The following FKBP15 variants were observed in gnomAD, a reference collection of about 807,000 sequenced individuals.
FKBP15 encodes the protein FKBP prolyl isomerase family member 15, also known as FK506-binding protein 15.
FKBP15 carries 106 observed loss-of-function variants against 158.1 expected under a neutral mutation model. The observed-to-expected ratio is 0.67, with a 90% CI of 0.57 to 0.79. The LOEUF is 0.79. FKBP15 is among the 30% of genes least tolerant of loss of function. FKBP15 has a pLI of 0.00. For missense variants in FKBP15, 1,287 were observed against 1,479.1 expected, an observed-to-expected ratio of 0.87 and a Z score of 2.13; for synonymous variants, 547 against 548.6, an observed-to-expected ratio of 1.00 and a Z score of 0.04.
At position 113,162,990 on chromosome 9, in the gene FKBP15, T is replaced by G; in HGVS notation, c.*3088A>C. ...CTCTTCCAGACACTATACTTCCAACTGCCCTTTCTTCTGATGGCTATTCCT... is the reference window on the plus strand; with the variant it reads ...CTCTTCCAGACACTATACTTCCAACGGCCCTTTCTTCTGATGGCTATTCCT... On this transcript the variant is annotated 3_prime_UTR_variant, in exon 28 of 28. Transcript: ENST00000238256. 7.4e-7 allele frequency: 1 copy of G among 1,343,346 alleles called. No individual in the cohort carries two copies. The highest frequency in any genetic ancestry group is 9.9e-7 in the Non-Finnish European group (1 of 1,006,322). 83.2% of individuals were successfully genotyped at this position (1,343,346 alleles called of 1,614,324 possible).
chr9:113,205,236 A>G (rs928883779), intron 4 of FKBP15, among the ~76,000 whole-genome samples: 9 of 152,252 alleles, frequency 5.9e-5, no homozygotes, highest in African/African-American at 1.9e-4. Flanking sequence ...ATTATCAAGA[A>G]AGTGAAAAGA....
intron 11 of FKBP15, among the ~76,000 whole-genome samples, chr9:113,191,904 C>A (rs183284230): frequency 6.6e-6 from 1 of 150,740 alleles, no homozygotes; most frequent in Admixed American, 6.6e-5. Flanking sequence ...GTTTTGATAA[C>A]TGTGCCATAT....
chr9:113,176,537 C>G lies in FKBP15; in HGVS notation c.2223G>C (p.Lys741Asn). 1.9e-6 allele frequency: 3 copies of G among 1,553,356 alleles called. No individual in the cohort carries two copies. The highest frequency in any genetic ancestry group is 4.9e-5 in the East Asian group (2 of 41,232). The change falls in exon 21 of 28, where the codon AAG becomes AAC. Residue 741 changes from lysine (K) to asparagine (N), a missense_variant and splice_region_variant. Lys to Asn is a moderately conservative substitution (Grantham distance 94, BLOSUM62 0). Transcript: ENST00000238256. ...DLRVEKESLEKNLSERKKKSA... is the reference protein window; with the variant it reads ...DLRVEKESLENNLSERKKKSA... ...TGGCCAACTGGGTTGTAGAGCTTACCTTTTCCAAGGACTCCTTCTCAACTC... is the reference window on the plus strand; with the variant it reads ...TGGCCAACTGGGTTGTAGAGCTTACGTTTTCCAAGGACTCCTTCTCAACTC...
chr9:113,202,726 G>T, intron 5 of FKBP15, 97 bp from the exon 6 acceptor site: 1 of 925,640 alleles, frequency 1.1e-6, no homozygotes, highest in South Asian at 1.5e-5. Context: ...GACTCAGGTG[G>T]ACCCAAAGGG....
At position 113,198,443 on chromosome 9, in the gene FKBP15, A is replaced by G. The variant is rs956180511; in HGVS notation, c.717+412T>C. On this transcript the variant is annotated intron_variant, in intron 8 of 27. Transcript: ENST00000238256. The surrounding 1 kb of genome is among the most constrained non-coding windows in gnomAD (Gnocchi z 5.2). ...TTCATCCAGGCATTTCCAGATGTCAAAAAGATAACCTGATTAGAAATTCCA... is the reference window on the plus strand; with the variant it reads ...TTCATCCAGGCATTTCCAGATGTCAGAAAGATAACCTGATTAGAAATTCCA... Among the ~76,000 whole-genome samples, 24 of 152,244 alleles carry G rather than the reference A, an allele frequency of 1.6e-4. No individual in the cohort carries two copies. The highest frequency in any genetic ancestry group is 1.2e-3 in the Admixed American group (19 of 15,284).
chr9:113,212,762 T>A (rs1458536860), intron 1 of FKBP15, among the ~76,000 whole-genome samples: 7 of 152,210 alleles, frequency 4.6e-5, no homozygotes, highest in Admixed American at 4.6e-4. Flanking sequence ...CAGGGCTTCA[T>A]ACTTTCTCTC....
At chr9:113,201,334 T>C (rs1587969667) in intron 6 of FKBP15, among the ~76,000 whole-genome samples, 2 of 152,204 alleles carry the variant, frequency 1.3e-5, no homozygotes, top group African/African-American at 4.8e-5. Flanking sequence ...GACAGACTTC[T>C]ATAAAAAATG....
At chr9:113,203,698 T>G (rs930682851) in intron 4 of FKBP15, among the ~76,000 whole-genome samples, 9 of 152,040 alleles carry the variant, frequency 5.9e-5, no homozygotes, top group African/African-American at 9.7e-5. Context: ...CTACTAATTT[T>G]GTATTTTTAG....
At chr9:113,190,225 GAAGGCTA>G (rs1194929126) in intron 12 of FKBP15, among the ~76,000 whole-genome samples, 3 of 152,174 alleles carry the variant, frequency 2.0e-5, no homozygotes, top group Non-Finnish European at 4.4e-5. Flanking sequence ...TTCTAGTAAA[GAAGGCTA>G]AATTAACTAC....
chr9:113,210,800 C>T (rs1027442167), intron 2 of FKBP15, among the ~76,000 whole-genome samples: 1 of 152,172 alleles, frequency 6.6e-6, no homozygotes, highest in Admixed American at 6.6e-5. Context: ...GTGGAAGGGG[C>T]TGACTTGCTG....
At chr9:113,202,508 C>G (rs761670079) in intron 6 of FKBP15, 23 bp downstream of exon 6, 5 of 1,517,568 alleles carry the variant, frequency 3.3e-6, no homozygotes, top group Non-Finnish European at 4.5e-6. Flanking sequence ...TGGCTTTTCA[C>G]AGGGAGAGTA....
In FKBP15 at chr9:113,197,093, T is replaced by C. The variant is rs1830701907; in HGVS notation, c.718-15A>G. ...TCCTCCCAGCCCTTTAAAAATCAGA[T>C]AGGAAAAGCTCATCAAACAAGAAGC... On this transcript the variant is annotated splice_polypyrimidine_tract_variant and intron_variant, in intron 8 of 27. Coordinates refer to ENST00000238256, the MANE Select transcript of FKBP15 (RefSeq NM_015258.2). 5.0e-6 allele frequency: 8 copies of C among 1,607,588 alleles called. No homozygotes were observed. Among genetic ancestry groups the C allele is most frequent in the Admixed American group, 1.7e-5 (1 of 59,670 alleles).
In FKBP15 at chr9:113,207,443, C is replaced by G. The variant is rs191562694; in HGVS notation, c.170-147G>C. 1.2e-4 allele frequency: 70 copies of G among 563,142 alleles called. 2 individuals carry two copies. The African/African-American group carries it at 1.4e-3, about 11-fold the overall frequency. The allele number at this position is 563,142 out of a possible 1,614,324, so 34.9% of individuals were successfully genotyped here. ...CAACCTCCACCTCCCGGGTTCAAGCCATTCTCCTGCCTCAGCCTCATGAGT... is the reference window on the plus strand; with the variant it reads ...CAACCTCCACCTCCCGGGTTCAAGCGATTCTCCTGCCTCAGCCTCATGAGT... On this transcript the variant is annotated intron_variant, in intron 2 of 27. Coordinates refer to ENST00000238256, the MANE Select transcript of FKBP15 (RefSeq NM_015258.2).
chr9:113,197,289 A>T (rs552431877), intron 8 of FKBP15, among the ~76,000 whole-genome samples: 1 of 152,328 alleles, frequency 6.6e-6, no homozygotes, highest in East Asian at 1.9e-4. Flanking sequence ...CTGGGGTTGC[A>T]TGAAATATAC....
chr9:113,196,374 G>T (rs915139943), intron 9 of FKBP15, among the ~76,000 whole-genome samples: 7 of 131,634 alleles, frequency 5.3e-5, no homozygotes, highest in African/African-American at 1.8e-4. Context: ...TTAGTGTGAA[G>T]AAGTGACTTT....
At chr9:113,204,103 G>A (rs1198822972) in intron 4 of FKBP15, among the ~76,000 whole-genome samples, 1 of 151,262 alleles carries the variant, frequency 6.6e-6, no homozygotes, top group Non-Finnish European at 1.5e-5. Context: ...TTGAGATGAC[G>A]TTTCACTCTT....
At chr9:113,202,677 A>G (rs1450876297) in intron 5 of FKBP15, 48 bp from the exon 6 acceptor site, 7 of 1,428,412 alleles carry the variant, frequency 4.9e-6, no homozygotes, top group African/African-American at 2.8e-5. Context: ...GTATTATACC[A>G]GATAAACATG....
At position 113,194,079 on chromosome 9, in the gene FKBP15, G is replaced by A; in HGVS notation, c.955C>T (p.Leu319Phe). The change falls in exon 10 of 28, where the codon CTC becomes TTC. Residue 319 changes from leucine to phenylalanine, a missense_variant. Transcript: ENST00000238256. The part of the protein sequence containing the change: ...APSPIPGADN[L>F]SADPVVSPPT... ...GGTGACACAACAGGATCAGCAGAGA[G>A]GTTGTCAGCACCAGGGATGGGAGAC... 1 of 1,613,630 alleles carries A rather than the reference G, an allele frequency of 6.2e-7. No homozygotes were observed. Among genetic ancestry groups the A allele is most frequent in the Non-Finnish European group, 8.5e-7 (1 of 1,179,642 alleles).
intron 6 of FKBP15, among the ~76,000 whole-genome samples, chr9:113,202,098 T>C (rs535858313): frequency 5.9e-5 from 9 of 152,264 alleles, no homozygotes; most frequent in African/African-American, 2.2e-4. Flanking sequence ...TTCACTATGT[T>C]GCCCAGGCTG....
Sources: gnomAD v4.1 joint callset for allele counts (sites outside exome capture counted in the v4.1 genomes callset) on GRCh38, gnomAD v4.1.1 for gene constraint, Gnocchi (gnomAD v3.1) non-coding constraint, MANE v1.5 for transcripts, NCBI Gene and HGNC (gene_info 2026-07-23, HGNC 2026-07-21) for gene names.